Variants in SULT4A1 observed in about 807,000 individuals in gnomAD.
SULT4A1 encodes sulfotransferase family 4A member 1.
Under a neutral mutation model 35.2 loss-of-function variants are expected in SULT4A1, and 11 were observed. That is an observed-to-expected ratio of 0.31 (90% CI 0.20 to 0.52). SULT4A1 has a LOEUF of 0.52. SULT4A1 is among the 20% of genes least tolerant of loss of function. The pLI is 0.97. For synonymous variants in SULT4A1, 152 were observed against 151.8 expected (o/e 1.00, Z -0.01); for missense variants, 271 against 383.7 (o/e 0.71, Z 2.45).
intron 6 of SULT4A1, among the ~76,000 whole-genome samples, chr22:43,827,910 G>T (rs1305411530): frequency 2.6e-5 from 4 of 152,206 alleles, no homozygotes; most frequent in African/African-American, 9.7e-5. Flanking sequence ...CAGGAAAGAA[G>T]TCGAGAGGGA....
intron 6 of SULT4A1, chr22:43,826,828 TA>T: frequency 1.0e-6 from 1 of 985,298 alleles, no homozygotes; most frequent in Non-Finnish European, 1.2e-6. Context: ...GAGTCAACAA[TA>T]AAATGAGTCT....
Position 43,825,941 on chromosome 22 carries a change from A to T in SULT4A1, c.*60T>A. 1 of 1,514,500 alleles carries T rather than the reference A, an allele frequency of 6.6e-7. No homozygotes were observed. The highest frequency in any genetic ancestry group is 9.1e-7 in the Non-Finnish European group (1 of 1,097,720). 93.8% of individuals were successfully genotyped at this position (1,514,500 alleles called of 1,614,324 possible). On this transcript the variant is annotated 3_prime_UTR_variant, in exon 7 of 7. Coordinates refer to ENST00000330884, the MANE Select transcript of SULT4A1 (RefSeq NM_014351.4). ...CAGCAAGGAATAAATGAATGCATAC[A>T]GGACTTTTGGCTAGTAGACTGTCTG...
chr22:43,835,840 C>T (rs1475639636), intron 4 of SULT4A1, among the ~76,000 whole-genome samples: 1 of 152,184 alleles, frequency 6.6e-6, no homozygotes, highest in Non-Finnish European at 1.5e-5. Context: ...TGAAGGACTG[C>T]ACGTGTGGTC....
At chr22:43,844,655 C>G (rs968657697) in intron 1 of SULT4A1, among the ~76,000 whole-genome samples, 1 of 152,180 alleles carries the variant, frequency 6.6e-6, no homozygotes, top group Non-Finnish European at 1.5e-5. Flanking sequence ...AGGCTGCACC[C>G]TCCTGGGCAG....
intron 1 of SULT4A1, among the ~76,000 whole-genome samples, chr22:43,853,039 T>C (rs1052075586): frequency 1.3e-5 from 2 of 151,766 alleles, no homozygotes; most frequent in African/African-American, 2.4e-5. Context: ...CAGACACACA[T>C]GTATACTCAC....
At chr22:43,833,519 T>A in intron 5 of SULT4A1, 121 bp downstream of exon 5, 27 of 128,278 alleles carry the variant, frequency 2.1e-4, no homozygotes, top group Middle Eastern at 2.0e-3. Flanking sequence ...CGCCCCCTCC[T>A]CTGTCCCTCC....
chr22:43,829,298 G>T, intron 5 of SULT4A1, 100 bp from the exon 6 acceptor site: 1 of 1,312,220 alleles, frequency 7.6e-7, no homozygotes, highest in Non-Finnish European at 1.0e-6. Context: ...TTTTACACAC[G>T]GCCTTCCTTA....
At chr22:43,842,626 A>C (rs2063443037) in intron 1 of SULT4A1, among the ~76,000 whole-genome samples, 1 of 152,190 alleles carries the variant, frequency 6.6e-6, no homozygotes. Context: ...GCCAAGCCCC[A>C]CAGACAGGAT....
At chr22:43,837,169 G>A (rs2063384106) in intron 4 of SULT4A1, among the ~76,000 whole-genome samples, 2 of 152,346 alleles carry the variant, frequency 1.3e-5, no homozygotes, top group Admixed American at 6.5e-5. Flanking sequence ...CTCAGTATGT[G>A]CGTGCTCACT....
intron 3 of SULT4A1, 95 bp downstream of exon 3, chr22:43,839,850 G>GA: frequency 8.2e-7 from 1 of 1,213,474 alleles, no homozygotes; most frequent in East Asian, 2.5e-5. Flanking sequence ...CCCAAGGCCA[G>GA]GTAAGTGCCA....
chr22:43,849,108 C>T (rs1311546881), intron 1 of SULT4A1, among the ~76,000 whole-genome samples: 1 of 152,212 alleles, frequency 6.6e-6, no homozygotes, highest in Non-Finnish European at 1.5e-5. Context: ...TGGAACTCCC[C>T]AGGACTCTAG....
At chr22:43,839,172 G>A (rs770565667) in intron 3 of SULT4A1, among the ~76,000 whole-genome samples, 179 bp from the exon 4 acceptor site, 1 of 152,254 alleles carries the variant, frequency 6.6e-6, no homozygotes, top group Non-Finnish European at 1.5e-5. Flanking sequence ...TGTTTCAGCA[G>A]AAAGGTGCCC....
At chr22:43,844,747 C>T (rs1366539664) in intron 1 of SULT4A1, among the ~76,000 whole-genome samples, 1 of 152,216 alleles carries the variant, frequency 6.6e-6, no homozygotes, top group Non-Finnish European at 1.5e-5. Flanking sequence ...GCCCCTGCCC[C>T]TTCAAGTCGG....
chr22:43,839,684 C>T (rs1043715216), intron 3 of SULT4A1, among the ~76,000 whole-genome samples: 3 of 152,344 alleles, frequency 2.0e-5, no homozygotes, highest in Non-Finnish European at 4.4e-5. Context: ...AGGTACACGC[C>T]TGCTGGCCTG....
intron 1 of SULT4A1, among the ~76,000 whole-genome samples, chr22:43,861,349 G>C (rs1483487169): frequency 3.9e-5 from 6 of 152,174 alleles, no homozygotes; most frequent in Non-Finnish European, 8.8e-5. Context: ...GTGGCAACAA[G>C]GAAATCCCAG....
At position 43,825,909 on chromosome 22, in the gene SULT4A1, G is replaced by A; in HGVS notation, c.*92C>T. The A allele has an allele frequency of 1.6e-6, 2 of 1,285,764 alleles. No individual in the cohort carries two copies. Among genetic ancestry groups the A allele is most frequent in the Non-Finnish European group, 1.1e-6 (1 of 908,318 alleles). The allele number at this position is 1,285,764 out of a possible 1,614,324, so 79.6% of individuals were successfully genotyped here. On this transcript the variant is annotated 3_prime_UTR_variant, in exon 7 of 7. Transcript: ENST00000330884. ...CGCTGTTTCACACGCTGCTTCCAGAGTTTGTCCAGCAAGGAATAAATGAAT... is the reference window on the plus strand; with the variant it reads ...CGCTGTTTCACACGCTGCTTCCAGAATTTGTCCAGCAAGGAATAAATGAAT...
Position 43,838,847 on chromosome 22 carries a change from C to T in SULT4A1, c.508+20G>A, listed in dbSNP as rs553998054. On this transcript the variant is annotated intron_variant, in intron 4 of 6. Coordinates refer to ENST00000330884, the MANE Select transcript of SULT4A1 (RefSeq NM_014351.4). ...ACAGACGGCTCCGGTTCTAACATGC[C>T]GCCAGGCTGCAACACTCACGCTTAT... 15 of 1,613,530 alleles carry T rather than the reference C, an allele frequency of 9.3e-6. No homozygotes were observed. Among genetic ancestry groups the T allele is most frequent in the South Asian group, 5.5e-5 (5 of 91,046 alleles).
chr22:43,836,417 C>G (rs1446189227), intron 4 of SULT4A1, among the ~76,000 whole-genome samples: 1 of 145,976 alleles, frequency 6.9e-6, no homozygotes, highest in Non-Finnish European at 1.5e-5. Context: ...CTGCAGGTGC[C>G]ACAGGGACCC....
intron 1 of SULT4A1, among the ~76,000 whole-genome samples, chr22:43,852,875 A>C (rs1337231053): frequency 2.0e-5 from 3 of 151,616 alleles, no homozygotes; most frequent in African/African-American, 7.3e-5. Flanking sequence ...GGTCTCACCC[A>C]CCTCACTGGA....
Sources: allele counts gnomAD v4.1 joint callset (sites outside exome capture counted in the v4.1 genomes callset), GRCh38; gene constraint gnomAD v4.1.1; transcripts MANE v1.5; gene names NCBI Gene and HGNC (gene_info 2026-07-23, HGNC 2026-07-21).